Variants in IQCM observed in about 807,000 individuals in gnomAD.
The protein encoded by IQCM is IQ motif containing M, also known as IQ domain-containing protein M.
IQCM carries 45 observed loss-of-function variants against 57.6 expected under a neutral mutation model. That is an observed-to-expected ratio of 0.78 (90% CI 0.62 to 1.00). IQCM has a LOEUF of 1.00. IQCM is among the 50% of genes least tolerant of loss of function. The probability of loss-of-function intolerance (pLI) is 0.00; values close to 1 mark genes in which losing one functional copy is unlikely to be tolerated. For missense variants in IQCM, 468 were observed against 511.6 expected (o/e 0.91, Z 0.82); for synonymous variants, 148 against 158.9 (o/e 0.93, Z 0.51).
chr4:149,540,265 A>G (rs899100167), intron 12 of IQCM, among the ~76,000 whole-genome samples: 2 of 150,040 alleles, frequency 1.3e-5, no homozygotes, highest in African/African-American at 4.9e-5. Context: ...GAGACACTAA[A>G]TTGTCATAGA....
At chr4:149,799,032 T>G (rs1242707304) in intron 2 of IQCM, among the ~76,000 whole-genome samples, 1 of 141,870 alleles carries the variant, frequency 7.0e-6, no homozygotes, top group South Asian at 2.2e-4. Flanking sequence ...AAGATATGCA[T>G]CCTTTATTTT....
intron 5 of IQCM, among the ~76,000 whole-genome samples, chr4:149,714,715 G>T (rs1315001145): frequency 2.0e-5 from 3 of 152,096 alleles, no homozygotes; most frequent in African/African-American, 7.2e-5. Context: ...ATAATAATAT[G>T]CCAGCATCGC....
intron 12 of IQCM, among the ~76,000 whole-genome samples, chr4:149,457,015 G>C (rs1292386375): frequency 6.6e-6 from 1 of 152,048 alleles, no homozygotes; most frequent in African/African-American, 2.4e-5. Context: ...AAAGCTCAGA[G>C]AGGTTAAATT....
chr4:149,354,580 T>C (rs985170686), intron 13 of IQCM, among the ~76,000 whole-genome samples: 2 of 151,888 alleles, frequency 1.3e-5, no homozygotes, highest in African/African-American at 4.8e-5. Flanking sequence ...TATGAATTTC[T>C]TTGATAATAC....
At chr4:149,605,224 A>T (rs1754672256) in intron 8 of IQCM, among the ~76,000 whole-genome samples, 1 of 152,232 alleles carries the variant, frequency 6.6e-6, no homozygotes, top group African/African-American at 2.4e-5. Context: ...AAAAGCAAAA[A>T]GTCAATGGCC....
intron 7 of IQCM, among the ~76,000 whole-genome samples, chr4:149,658,917 C>G (rs1018724495): frequency 1.3e-5 from 2 of 151,964 alleles, no homozygotes; most frequent in South Asian, 4.1e-4. Context: ...ATGTTGTCTT[C>G]AAACAGGAAC....
chr4:149,801,675 G>A (rs1773616996), intron 2 of IQCM, among the ~76,000 whole-genome samples: 1 of 151,798 alleles, frequency 6.6e-6, no homozygotes, highest in Admixed American at 6.6e-5. Context: ...ACTTATTTGT[G>A]GTATCTAAAA....
chr4:149,768,761 A>C (rs1770288887), intron 2 of IQCM, among the ~76,000 whole-genome samples: 1 of 152,098 alleles, frequency 6.6e-6, no homozygotes, highest in African/African-American at 2.4e-5. Flanking sequence ...GAGACACGGC[A>C]ACTGAATCAC....
At chr4:149,672,263 A>T (rs1761361681) in intron 7 of IQCM, among the ~76,000 whole-genome samples, 1 of 152,238 alleles carries the variant, frequency 6.6e-6, no homozygotes, top group African/African-American at 2.4e-5. Context: ...ACAAAGCTGG[A>T]CAGAGAATGA....
intron 8 of IQCM, among the ~76,000 whole-genome samples, chr4:149,617,424 A>C (rs577787704): frequency 9.6e-4 from 146 of 152,186 alleles, no homozygotes; most frequent in Non-Finnish European, 1.6e-3. Flanking sequence ...AGCAGCAAAA[A>C]ACAAATTTGA....
chr4:149,485,489 G>C (rs1401496437), intron 12 of IQCM, among the ~76,000 whole-genome samples: 1 of 151,286 alleles, frequency 6.6e-6, no homozygotes, highest in Non-Finnish European at 1.5e-5. Context: ...GATCAATTCT[G>C]CTACTAAGAG....
intron 13 of IQCM, among the ~76,000 whole-genome samples, chr4:149,418,103 T>A: frequency 7.0e-6 from 1 of 143,104 alleles, no homozygotes; most frequent in South Asian, 2.2e-4. Context: ...ATAAGCAAGA[T>A]CATAGAGGAA....
chr4:149,551,987 C>T (rs1384724526), intron 11 of IQCM, among the ~76,000 whole-genome samples: 1 of 152,058 alleles, frequency 6.6e-6, no homozygotes, highest in Non-Finnish European at 1.5e-5. Context: ...GGCTGTTGGG[C>T]TGGGCTGGAT....
At chr4:149,599,124 T>TAA (rs1230854157) in intron 8 of IQCM, among the ~76,000 whole-genome samples, 1 of 152,142 alleles carries the variant, frequency 6.6e-6, no homozygotes, top group African/African-American at 2.4e-5. Context: ...AGAATGCTTG[T>TAA]AGCAGGTTTT....
intron 11 of IQCM, among the ~76,000 whole-genome samples, chr4:149,552,006 C>A (rs1749083180): frequency 6.6e-6 from 1 of 152,086 alleles, no homozygotes; most frequent in African/African-American, 2.4e-5. Context: ...ATGAATTGAT[C>A]TAGCAACCTC....
chr4:149,790,594 G>T (rs1275013784), intron 2 of IQCM, among the ~76,000 whole-genome samples: 3 of 152,094 alleles, frequency 2.0e-5, no homozygotes, highest in Non-Finnish European at 2.9e-5. Flanking sequence ...ATTAAAGCTG[G>T]TATTCTAGAA....
chr4:149,699,695 CAAA>C (rs34250922), intron 5 of IQCM, among the ~76,000 whole-genome samples: 283 of 25,918 alleles, frequency 0.011, no homozygotes, highest in African/African-American at 0.035. Flanking sequence ...GTTTGAGTGG[CAAA>C]AAAAAAAAAA....
chr4:149,499,894 TC>T (rs906446619), intron 12 of IQCM, among the ~76,000 whole-genome samples: 3 of 152,166 alleles, frequency 2.0e-5, no homozygotes, highest in Admixed American at 6.6e-5. Context: ...AAAGAATACC[TC>T]AGAAACTGCC....
chr4:149,803,690 T>C (rs1253745438), intron 2 of IQCM, among the ~76,000 whole-genome samples: 1 of 151,998 alleles, frequency 6.6e-6, no homozygotes, highest in Non-Finnish European at 1.5e-5. Flanking sequence ...TTTATGTTTA[T>C]CTGGCTAGAA....
Sources: gnomAD v4.1 joint callset for allele counts (sites outside exome capture counted in the v4.1 genomes callset) on GRCh38, gnomAD v4.1.1 for gene constraint, MANE v1.5 for transcripts, NCBI Gene and HGNC (gene_info 2026-07-23, HGNC 2026-07-21) for gene names.